The following LMBR1 variants were observed in gnomAD, a reference collection of about 807,000 sequenced individuals.
LMBR1 encodes the protein limb region 1 protein homolog.
In LMBR1, 52 loss-of-function variants were observed where a neutral mutation model predicts 73.9. That is an observed-to-expected ratio of 0.70 (90% CI 0.56 to 0.89). The LOEUF is 0.89. LMBR1 is among the 40% of genes least tolerant of loss of function. The pLI is 0.00. For synonymous variants in LMBR1, 215 were observed against 209.4 expected, an observed-to-expected ratio of 1.03 and a Z score of -0.23; for missense variants, 539 against 579.8, an observed-to-expected ratio of 0.93 and a Z score of 0.72.
At chr7:156,714,444 G>A (rs968408065) in intron 15 of LMBR1, among the ~76,000 whole-genome samples, 1 of 152,218 alleles carries the variant, frequency 6.6e-6, no homozygotes, top group African/African-American at 2.4e-5. Flanking sequence ...AGGCATAGCA[G>A]ATGTACTTTG....
chr7:156,696,508 A>T (rs1318175919), intron 15 of LMBR1, among the ~76,000 whole-genome samples: 1 of 152,188 alleles, frequency 6.6e-6, no homozygotes, highest in Admixed American at 6.5e-5. Flanking sequence ...GGTTTAATGG[A>T]ATCACAGTTC....
intron 14 of LMBR1, among the ~76,000 whole-genome samples, chr7:156,724,600 T>C (rs1306235505): frequency 6.6e-6 from 1 of 152,134 alleles, no homozygotes; most frequent in African/African-American, 2.4e-5. Flanking sequence ...AATTGTAAGA[T>C]TTAAAAAGCA....
chr7:156,891,231 T>TAC (rs1212264746), intron 1 of LMBR1, among the ~76,000 whole-genome samples: 14 of 78,990 alleles, frequency 1.8e-4, no homozygotes, highest in Middle Eastern at 6.8e-3. Flanking sequence ...TATATATATA[T>TAC]ATACACACAC....
At chr7:156,876,109 G>C (rs1800128706) in intron 1 of LMBR1, among the ~76,000 whole-genome samples, 1 of 152,002 alleles carries the variant, frequency 6.6e-6, no homozygotes, top group Admixed American at 6.6e-5. Flanking sequence ...ATAAACTTAA[G>C]GTAAAGGTGG....
At chr7:156,693,394 T>C (rs1807636000) in intron 15 of LMBR1, among the ~76,000 whole-genome samples, 1 of 151,460 alleles carries the variant, frequency 6.6e-6, no homozygotes, top group Non-Finnish European at 1.5e-5. Flanking sequence ...AAGATAAAAG[T>C]GATAAAAACC....
Position 156,703,189 on chromosome 7 carries a change from G to A in LMBR1, c.1226-14998C>T, listed in dbSNP as rs553686625. ...CAGACCCAGGCAGCTACAGTAAGATGCCATTCTTGATCTTAGCTGCTCAAC... is the reference window on the plus strand; with the variant it reads ...CAGACCCAGGCAGCTACAGTAAGATACCATTCTTGATCTTAGCTGCTCAAC... On this transcript the variant is annotated intron_variant, in intron 15 of 16. Coordinates refer to ENST00000353442, the MANE Select transcript of LMBR1 (RefSeq NM_022458.4). 1.4e-3 allele frequency among the ~76,000 whole-genome samples: 219 copies of A among 152,340 alleles called. 2 individuals are homozygous for A. Among genetic ancestry groups the A allele is most frequent in the Middle Eastern group, 6.8e-3 (2 of 294 alleles).
intron 5 of LMBR1, among the ~76,000 whole-genome samples, chr7:156,780,891 C>G (rs1019491085): frequency 2.0e-5 from 3 of 152,130 alleles, no homozygotes; most frequent in Non-Finnish European, 4.4e-5. Flanking sequence ...CAAAAGACAA[C>G]ACCACATGGA....
At chr7:156,756,582 A>T (rs1821918410) in intron 8 of LMBR1, 117 bp from the exon 9 acceptor site, 1 of 608,994 alleles carries the variant, frequency 1.6e-6, no homozygotes. Flanking sequence ...AATTTCTAAG[A>T]ACACAAAACA....
rs1563215357 is a variant in LMBR1 at position 156,724,245 on chromosome 7, A to G, written c.1159-67T>C. The G allele has an allele frequency of 2.5e-5, 30 of 1,197,294 alleles. No homozygotes were observed. The South Asian group carries it at 3.8e-4, about 15-fold the overall frequency. 74.2% of individuals were successfully genotyped at this position (1,197,294 alleles called of 1,614,324 possible). A position where few individuals can be genotyped will look rare whatever the true frequency, so the allele number is the denominator to read the frequency against. On this transcript the variant is annotated intron_variant, in intron 14 of 16. Transcript: ENST00000353442. ...CAGGATGACAATCAAACCCAGTAACATTCTGAGAAATGATTGTGCATTCTA... is the reference window on the plus strand; with the variant it reads ...CAGGATGACAATCAAACCCAGTAACGTTCTGAGAAATGATTGTGCATTCTA...
In LMBR1 at chr7:156,680,782, A is replaced by C. The variant is rs1804892469; in HGVS notation, c.*3296T>G. The C allele has an allele frequency of 1.0e-5, 2 of 190,778 alleles. No individual in the cohort carries two copies. The highest frequency in any genetic ancestry group is 1.3e-4 in the Admixed American group (2 of 15,746). 11.8% of individuals were successfully genotyped at this position (190,778 alleles called of 1,614,324 possible). On this transcript the variant is annotated 3_prime_UTR_variant, in exon 17 of 17. Transcript: ENST00000353442. ...TATAAAACTGAAATGGAATTAAACTATAAATACCCTTAAGTTTTAGCCATG... is the reference window on the plus strand; with the variant it reads ...TATAAAACTGAAATGGAATTAAACTCTAAATACCCTTAAGTTTTAGCCATG...
intron 9 of LMBR1, 85 bp downstream of exon 9, chr7:156,756,308 T>A (rs1821863900): frequency 1.4e-6 from 1 of 721,346 alleles, no homozygotes; most frequent in African/African-American, 1.8e-5. Flanking sequence ...TTCAGAGAGG[T>A]TTATATTTTT....
chr7:156,681,266 G>C lies in LMBR1; in HGVS notation c.*2812C>G. The stretch of plus-strand genomic sequence containing the variant: ...TGGGGAGGCCGCACTGCCGCTGAGA[G>C]CAGGTACACGTGCGCCTTTAACACA... On this transcript the variant is annotated 3_prime_UTR_variant, in exon 17 of 17. Transcript: ENST00000353442. 4.7e-6 allele frequency: 2 copies of C among 422,364 alleles called. No homozygotes were observed. Among genetic ancestry groups the C allele is most frequent in the Non-Finnish European group, 4.6e-6 (1 of 217,748 alleles). 26.2% of individuals were successfully genotyped at this position (422,364 alleles called of 1,614,324 possible). A position where few individuals can be genotyped will look rare whatever the true frequency, so the allele number is the denominator to read the frequency against.
chr7:156,723,970 T>C (rs2132362073), intron 15 of LMBR1, 142 bp downstream of exon 15: 1 of 609,902 alleles, frequency 1.6e-6, no homozygotes, highest in Non-Finnish European at 2.8e-6. Flanking sequence ...ATACATAAAG[T>C]ATAGAAGTAA....
At chr7:156,836,533 A>G (rs1837670862) in intron 2 of LMBR1, among the ~76,000 whole-genome samples, 1 of 152,228 alleles carries the variant, frequency 6.6e-6, no homozygotes, top group Non-Finnish European at 1.5e-5. Context: ...AAATATCCTT[A>G]TAAACTCGGG....
At chr7:156,798,153 ATCACAGGTTCT>A (rs139257056) in intron 4 of LMBR1, among the ~76,000 whole-genome samples, 346 of 152,332 alleles carry the variant, frequency 2.3e-3, no homozygotes, top group Non-Finnish European at 4.4e-3. Flanking sequence ...ACATTGCTAA[ATCACAGGTTCT>A]TCATCTATCA....
At chr7:156,749,397 T>TA (rs539302177) in intron 9 of LMBR1, among the ~76,000 whole-genome samples, 16 of 152,148 alleles carry the variant, frequency 1.1e-4, no homozygotes, top group Non-Finnish European at 2.1e-4. Context: ...GCAACTGCTC[T>TA]AAAAAAGCAA....
intron 6 of LMBR1, 49 bp from the exon 7 acceptor site, chr7:156,763,225 T>C: frequency 1.3e-6 from 1 of 757,798 alleles, no homozygotes; most frequent in South Asian, 1.8e-5. Flanking sequence ...ATACTGCACA[T>C]TAAGATAGTC....
intron 5 of LMBR1, among the ~76,000 whole-genome samples, chr7:156,774,039 A>G (rs1825690528): frequency 6.6e-6 from 1 of 152,198 alleles, no homozygotes; most frequent in Non-Finnish European, 1.5e-5. Flanking sequence ...AAACCACACT[A>G]AAAAGTGGGC....
chr7:156,848,272 A>G (rs1226430242), intron 1 of LMBR1, among the ~76,000 whole-genome samples: 1 of 152,210 alleles, frequency 6.6e-6, no homozygotes, highest in African/African-American at 2.4e-5. Context: ...AACTAAAGAA[A>G]TATCAACCGT....
Sources: gnomAD v4.1 joint callset for allele counts (sites outside exome capture counted in the v4.1 genomes callset) on GRCh38, gnomAD v4.1.1 for gene constraint, MANE v1.5 for transcripts, NCBI Gene and HGNC (gene_info 2026-07-23, HGNC 2026-07-21) for gene names.